Variants in LYZL4 observed in about 807,000 individuals in gnomAD.
LYZL4 encodes the protein lysozyme like 4, also known as lysozyme-like protein 4.
LYZL4 carries 13 observed loss-of-function variants against 17.6 expected under a neutral mutation model. The observed-to-expected ratio is 0.74, with a 90% CI of 0.48 to 1.18. The LOEUF (loss-of-function observed/expected upper bound fraction) is 1.18, where lower values mean the gene tolerates loss of function less well. Ranked by LOEUF, LYZL4 falls within the 50% of genes most tolerant of loss-of-function variation. The probability of loss-of-function intolerance (pLI) is 0.00; values close to 1 mark genes in which losing one functional copy is unlikely to be tolerated. For missense variants in LYZL4, 174 were observed against 188.2 expected (o/e 0.92, Z 0.44); for synonymous variants, 64 against 67.7 (o/e 0.95, Z 0.27).
the LYZL4 span, among the ~76,000 whole-genome samples, chr3:42,367,234 C>A: frequency 6.6e-6 from 1 of 152,204 alleles, no homozygotes. Context: ...GATCCCTACC[C>A]TTCTGACAAA....
the LYZL4 span, among the ~76,000 whole-genome samples, chr3:42,390,747 T>C: frequency 6.6e-6 from 1 of 152,198 alleles, no homozygotes; most frequent in Non-Finnish European, 1.5e-5. Flanking sequence ...TAATTGCAAG[T>C]GGTGGAGATT....
chr3:42,399,956 C>T (rs1325626741), intron 4 of LYZL4, among the ~76,000 whole-genome samples: 3 of 151,354 alleles, frequency 2.0e-5, no homozygotes, highest in Admixed American at 6.6e-5. Flanking sequence ...ACCACCATTA[C>T]TCTTAATGGC....
chr3:42,370,701 G>T, the LYZL4 span, among the ~76,000 whole-genome samples: 4 of 152,136 alleles, frequency 2.6e-5, no homozygotes, highest in Non-Finnish European at 5.9e-5. Flanking sequence ...TGTATCTTCT[G>T]AGGCCCACTT....
intron 1 of LYZL4, among the ~76,000 whole-genome samples, chr3:42,408,646 C>T (rs1272485227): frequency 6.6e-6 from 1 of 152,156 alleles, no homozygotes; most frequent in Non-Finnish European, 1.5e-5. Flanking sequence ...AACTCATCTT[C>T]CTCCTGGAAT....
At chr3:42,380,915 G>T in the LYZL4 span, among the ~76,000 whole-genome samples, 1 of 152,180 alleles carries the variant, frequency 6.6e-6, no homozygotes, top group East Asian at 1.9e-4. Context: ...CCATGTTATT[G>T]GCTTTGGCCA....
intron 4 of LYZL4, among the ~76,000 whole-genome samples, chr3:42,400,108 G>A (rs1698629941): frequency 6.6e-6 from 1 of 152,136 alleles, no homozygotes; most frequent in Admixed American, 6.5e-5. Flanking sequence ...ATCAGATTCT[G>A]GACAAAGTCT....
chr3:42,362,091 C>A, the LYZL4 span, among the ~76,000 whole-genome samples: 2 of 152,126 alleles, frequency 1.3e-5, no homozygotes, highest in East Asian at 3.9e-4. Context: ...ACAATGACTA[C>A]AATTTATTAT....
At chr3:42,391,200 T>C in the LYZL4 span, among the ~76,000 whole-genome samples, 3 of 152,218 alleles carry the variant, frequency 2.0e-5, no homozygotes, top group African/African-American at 7.2e-5. Context: ...GTCTATTCAA[T>C]AGTCAAATGA....
At chr3:42,362,820 A>G in the LYZL4 span, among the ~76,000 whole-genome samples, 1 of 152,252 alleles carries the variant, frequency 6.6e-6, no homozygotes. Context: ...ATCACCCCAT[A>G]GATTACAAAG....
chr3:42,397,424 G>A, intron 4 of LYZL4, 90 bp from the exon 5 acceptor site: 1 of 860,668 alleles, frequency 1.2e-6, no homozygotes, highest in East Asian at 2.7e-5. Context: ...ATTTACACCT[G>A]CCTGCCCCTT....
At chr3:42,376,141 G>A in the LYZL4 span, among the ~76,000 whole-genome samples, 1 of 152,214 alleles carries the variant, frequency 6.6e-6, no homozygotes, top group Non-Finnish European at 1.5e-5. Flanking sequence ...TGTCCTGAGA[G>A]TTAAGCCATA....
the LYZL4 span, among the ~76,000 whole-genome samples, chr3:42,370,359 A>G: frequency 6.6e-6 from 1 of 151,870 alleles, no homozygotes; most frequent in Non-Finnish European, 1.5e-5. Context: ...GGCCAAGGGA[A>G]TATTACTGAG....
chr3:42,385,992 G>A, the LYZL4 span, among the ~76,000 whole-genome samples: 6 of 152,192 alleles, frequency 3.9e-5, no homozygotes, highest in African/African-American at 1.4e-4. Flanking sequence ...CCTTCTGGAA[G>A]CTCTAGGGGA....
At chr3:42,380,628 C>G in the LYZL4 span, among the ~76,000 whole-genome samples, 5 of 152,178 alleles carry the variant, frequency 3.3e-5, no homozygotes, top group African/African-American at 4.8e-5. Context: ...GCTTTCTAAC[C>G]AGTTCCCAGG....
the LYZL4 span, among the ~76,000 whole-genome samples, chr3:42,378,937 C>G: frequency 6.6e-6 from 1 of 152,240 alleles, no homozygotes; most frequent in Middle Eastern, 3.4e-3. Context: ...TCGCACCTAG[C>G]AAGTTGCAAA....
At chr3:42,374,318 T>C in the LYZL4 span, among the ~76,000 whole-genome samples, 1 of 152,210 alleles carries the variant, frequency 6.6e-6, no homozygotes, top group East Asian at 1.9e-4. Flanking sequence ...CCAAAACCTG[T>C]ACTTTAAATT....
At chr3:42,388,022 G>T in the LYZL4 span, among the ~76,000 whole-genome samples, 1 of 152,100 alleles carries the variant, frequency 6.6e-6, no homozygotes, top group South Asian at 2.1e-4. Flanking sequence ...AGCCTCCAGG[G>T]GTCGTGAGCA....
At chr3:42,370,051 G>A in the LYZL4 span, among the ~76,000 whole-genome samples, 8 of 152,096 alleles carry the variant, frequency 5.3e-5, no homozygotes, top group African/African-American at 1.7e-4. Flanking sequence ...GGGCTCCCAC[G>A]CTGTGAAGCT....
At chr3:42,403,436 A>G (rs1412520456) in intron 4 of LYZL4, among the ~76,000 whole-genome samples, 1 of 151,658 alleles carries the variant, frequency 6.6e-6, no homozygotes, top group African/African-American at 2.4e-5. Context: ...ATTTTATTTT[A>G]TTTATTTATT....
Sources: allele counts gnomAD v4.1 joint callset (sites outside exome capture counted in the v4.1 genomes callset), GRCh38; gene constraint gnomAD v4.1.1; transcripts MANE v1.5; gene names NCBI Gene and HGNC (gene_info 2026-07-23, HGNC 2026-07-21).